The following TMEM178B variants were observed in gnomAD, a reference collection of about 807,000 sequenced individuals.
TMEM178B encodes transmembrane protein 178B.
A neutral mutation model predicts 31.0 loss-of-function variants in TMEM178B; 5 were observed. That is an observed-to-expected ratio of 0.16 (90% CI 0.08 to 0.34). The LOEUF is 0.34. Among genes scored for constraint, TMEM178B ranks in the 10% least tolerant of loss-of-function variants. TMEM178B has a pLI of 1.00. For synonymous variants in TMEM178B, 164 were observed against 164.0 expected, an observed-to-expected ratio of 1.00 and a Z score of 0.00; for missense variants, 275 against 400.3, an observed-to-expected ratio of 0.69 and a Z score of 2.67.
chr7:141,509,295 A>C, the TMEM178B span, among the ~76,000 whole-genome samples: 1 of 152,204 alleles, frequency 6.6e-6, no homozygotes, highest in Non-Finnish European at 1.5e-5. Context: ...CCACCAAAAA[A>C]GTAGTAGGGA....
Position 141,312,396 on chromosome 7 carries a change from G to A in TMEM178B, c.496+99692G>A, listed in dbSNP as rs191965370. ...TTAAGAGAAAGGGATTCACATCTCA[G>A]TGAGAAACTTGAGTAATCATGAAGC... On this transcript the variant is annotated intron_variant, in intron 2 of 3. Coordinates refer to ENST00000565468, the MANE Select transcript of TMEM178B (RefSeq NM_001195278.2). 9.2e-5 allele frequency among the ~76,000 whole-genome samples: 14 copies of A among 152,340 alleles called. No homozygotes were observed. In the East Asian group the frequency reaches 1.9e-3, roughly 21 times the overall value.
intron 2 of TMEM178B, among the ~76,000 whole-genome samples, chr7:141,409,389 G>C (rs532644595): frequency 1.3e-5 from 2 of 152,326 alleles, no homozygotes; most frequent in South Asian, 4.1e-4. Flanking sequence ...GGGAATGTTT[G>C]TTTTGATTCT....
Position 141,209,715 on chromosome 7 carries a change from G to A in TMEM178B, c.383-2876G>A, listed in dbSNP as rs150354067. Among the ~76,000 whole-genome samples, 52 of 152,246 alleles carry A rather than the reference G, an allele frequency of 3.4e-4. No individual in the cohort carries two copies. The East Asian group carries it at 9.3e-3, about 27-fold the overall frequency. On this transcript the variant is annotated intron_variant, in intron 1 of 3. Coordinates refer to ENST00000565468, the MANE Select transcript of TMEM178B (RefSeq NM_001195278.2). ...GAAGCAGGGAAGCTGCTGGTGGAAC[G>A]CCTGCTGCTGGGGTGCAATCTAGAT...
intron 2 of TMEM178B, among the ~76,000 whole-genome samples, chr7:141,215,938 T>A (rs1454536232): frequency 6.9e-6 from 1 of 143,908 alleles, no homozygotes; most frequent in African/African-American, 2.6e-5. Context: ...CAGAGTCTTG[T>A]TCTGTTGCCC....
At chr7:141,494,032 T>A in the TMEM178B span, among the ~76,000 whole-genome samples, 1 of 152,120 alleles carries the variant, frequency 6.6e-6, no homozygotes, top group South Asian at 2.1e-4. Context: ...TTTCTTCCTT[T>A]CCCCCCTCCC....
At chr7:141,454,882 T>G (rs1358265989) in intron 3 of TMEM178B, among the ~76,000 whole-genome samples, 1 of 151,708 alleles carries the variant, frequency 6.6e-6, no homozygotes, top group Non-Finnish European at 1.5e-5. Context: ...GGAAGATGAG[T>G]CAATAATTCT....
chr7:141,483,440 A>G (rs1403446111), downstream of TMEM178B, among the ~76,000 whole-genome samples: 1 of 152,202 alleles, frequency 6.6e-6, no homozygotes, highest in Non-Finnish European at 1.5e-5. Flanking sequence ...TGCACCCTTC[A>G]TAAGAGGCTG....
intron 2 of TMEM178B, among the ~76,000 whole-genome samples, chr7:141,286,083 A>T (rs542535773): frequency 1.3e-5 from 2 of 152,164 alleles, no homozygotes; most frequent in Non-Finnish European, 2.9e-5. Flanking sequence ...CCAGAACTTA[A>T]AAGTATAATA....
the TMEM178B span, among the ~76,000 whole-genome samples, chr7:141,504,954 C>T: frequency 1.3e-5 from 2 of 152,188 alleles, no homozygotes; most frequent in Admixed American, 6.5e-5. Context: ...TAACAAGGTC[C>T]TAACATATTT....
chr7:141,092,668 T>C (rs761985279), intron 1 of TMEM178B, among the ~76,000 whole-genome samples: 6 of 152,226 alleles, frequency 3.9e-5, no homozygotes, highest in Non-Finnish European at 4.4e-5. Flanking sequence ...GGAGCTCATA[T>C]TCCACTGAGA....
chr7:141,172,662 G>C (rs1796367035), intron 1 of TMEM178B, among the ~76,000 whole-genome samples: 2 of 152,210 alleles, frequency 1.3e-5, no homozygotes, highest in Admixed American at 6.5e-5. Context: ...CTGAGGAGCA[G>C]ATATAGTGGG....
At chr7:141,415,627 C>T (rs963342516) in intron 2 of TMEM178B, among the ~76,000 whole-genome samples, 5 of 152,094 alleles carry the variant, frequency 3.3e-5, no homozygotes, top group Admixed American at 2.6e-4. Context: ...ATCAGGTGAA[C>T]TTGGCAACCT....
chr7:141,111,116 AAG>A (rs770739656), intron 1 of TMEM178B, among the ~76,000 whole-genome samples: 8 of 152,192 alleles, frequency 5.3e-5, no homozygotes, highest in Non-Finnish European at 8.8e-5. Flanking sequence ...TATAAAGAAA[AAG>A]AGGTTTAATG....
At chr7:141,463,497 T>A (rs559247302) in intron 3 of TMEM178B, among the ~76,000 whole-genome samples, 1 of 152,304 alleles carries the variant, frequency 6.6e-6, no homozygotes, top group African/African-American at 2.4e-5. Context: ...ACAGATCAAA[T>A]CAAAGCTATT....
chr7:141,083,085 C>T (rs1794713052), intron 1 of TMEM178B, among the ~76,000 whole-genome samples: 1 of 152,048 alleles, frequency 6.6e-6, no homozygotes, highest in Non-Finnish European at 1.5e-5. Context: ...TTTGACCCAT[C>T]ATACACAGAC....
rs542492300 is a variant in TMEM178B, at chr7:141,213,820, T to C, written c.496+1116T>C. ...ACAATCATTCATTGGTTTCAAGAAG[T>C]ATATTGTGGCTGCGTGTCCAGATGA... On this transcript the variant is annotated intron_variant, in intron 2 of 3. Coordinates refer to ENST00000565468, the MANE Select transcript of TMEM178B (RefSeq NM_001195278.2). Among the ~76,000 whole-genome samples the C allele has an allele frequency of 2.6e-5, 4 of 152,300 alleles. No homozygotes were observed. The South Asian group carries it at 8.3e-4, about 32-fold the overall frequency.
At chr7:141,463,132 C>T (rs973163603) in intron 3 of TMEM178B, among the ~76,000 whole-genome samples, 1 of 152,194 alleles carries the variant, frequency 6.6e-6, no homozygotes, top group Non-Finnish European at 1.5e-5. Context: ...TCTAAGTGGA[C>T]TCCTGAACTC....
intron 3 of TMEM178B, among the ~76,000 whole-genome samples, chr7:141,452,276 C>T (rs1009990112): frequency 6.6e-5 from 10 of 152,212 alleles, no homozygotes; most frequent in African/African-American, 2.2e-4. Context: ...TACTTTGACC[C>T]GGATTTGTCC....
At chr7:141,508,379 G>A in the TMEM178B span, among the ~76,000 whole-genome samples, 1 of 152,150 alleles carries the variant, frequency 6.6e-6, no homozygotes, top group South Asian at 2.1e-4. Flanking sequence ...AAGCCATTCA[G>A]CAAGTCTCTA....
Sources: gnomAD v4.1 joint callset for allele counts (sites outside exome capture counted in the v4.1 genomes callset) on GRCh38, gnomAD v4.1.1 for gene constraint, MANE v1.5 for transcripts, NCBI Gene and HGNC (gene_info 2026-07-23, HGNC 2026-07-21) for gene names.